Variants in EVI5 observed in about 807,000 individuals in gnomAD.
EVI5 encodes ecotropic viral integration site 5.
A neutral mutation model predicts 112.0 loss-of-function variants in EVI5; 73 were observed. That is an observed-to-expected ratio of 0.65 (90% CI 0.54 to 0.79). EVI5 has a LOEUF of 0.79. EVI5 is among the 30% of genes least tolerant of loss of function. The probability of loss-of-function intolerance (pLI) is 0.00; values close to 1 mark genes in which losing one functional copy is unlikely to be tolerated. For synonymous variants in EVI5, 305 were observed against 319.9 expected (o/e 0.95, Z 0.50); for missense variants, 900 against 968.8 (o/e 0.93, Z 0.94).
intron 18 of EVI5, among the ~76,000 whole-genome samples, chr1:92,570,255 G>C (rs1670132386): frequency 6.6e-6 from 1 of 152,156 alleles, no homozygotes; most frequent in Non-Finnish European, 1.5e-5. Flanking sequence ...AATTTGATAA[G>C]AATCACCCAT....
chr1:92,641,729 T>C (rs1557977073), intron 13 of EVI5, among the ~76,000 whole-genome samples: 4 of 152,184 alleles, frequency 2.6e-5, no homozygotes. Flanking sequence ...CCTCAGCATA[T>C]GACCCCAAAA....
rs1677768417 is a variant in EVI5 at position 92,738,229 on chromosome 1, T to C, written c.-81-1602A>G. Among the ~76,000 whole-genome samples, 2 of 152,320 alleles carry C rather than the reference T, an allele frequency of 1.3e-5. 1 individual carries two copies. The highest frequency in any genetic ancestry group is 4.1e-4 in the South Asian group (2 of 4,824). On this transcript the variant is annotated intron_variant, in intron 1 of 19. Coordinates refer to ENST00000684568, the MANE Select transcript of EVI5 (RefSeq NM_001350197.2). Reference sequence around the variant, plus strand: ...CATAGTAGGCACTAAGATAGCCTACTGTGTGATTTGTTATCCTATCGATCT... The same window carrying C: ...CATAGTAGGCACTAAGATAGCCTACCGTGTGATTTGTTATCCTATCGATCT...
At chr1:92,528,226 G>T (rs1662257047) in intron 19 of EVI5, among the ~76,000 whole-genome samples, 1 of 152,200 alleles carries the variant, frequency 6.6e-6, no homozygotes, top group African/African-American at 2.4e-5. Context: ...AGGAAGTCTT[G>T]CACATTGCTG....
At chr1:92,658,695 T>C (rs190616856) in intron 13 of EVI5, among the ~76,000 whole-genome samples, 1 of 152,108 alleles carries the variant, frequency 6.6e-6, no homozygotes, top group Non-Finnish European at 1.5e-5. Context: ...CCTATAAAAA[T>C]ACCAATGTCT....
At chr1:92,586,282 G>A (rs908715734) in intron 18 of EVI5, among the ~76,000 whole-genome samples, 1 of 152,062 alleles carries the variant, frequency 6.6e-6, no homozygotes, top group Non-Finnish European at 1.5e-5. Flanking sequence ...CCATGCTTAT[G>A]GAGTGGAGAT....
At chr1:92,788,500 A>AC (rs1361479336), upstream of EVI5, among the ~76,000 whole-genome samples, 1 of 135,986 alleles carries the variant, frequency 7.4e-6, no homozygotes, top group Admixed American at 7.4e-5. Flanking sequence ...ACAAAACAAA[A>AC]CAAAAAAAAA....
chr1:92,588,104 T>C (rs1183800514), intron 18 of EVI5, among the ~76,000 whole-genome samples: 1 of 152,198 alleles, frequency 6.6e-6, no homozygotes, highest in Non-Finnish European at 1.5e-5. Context: ...GGTGGAAAAC[T>C]CCAGTAATAA....
At chr1:92,689,180 T>C (rs2102427797) in intron 9 of EVI5, among the ~76,000 whole-genome samples, 4 of 152,344 alleles carry the variant, frequency 2.6e-5, no homozygotes, top group African/African-American at 9.6e-5. Flanking sequence ...CATACACTGC[T>C]GGGTTAGACT....
chr1:92,624,898 T>C (rs1313013915), intron 15 of EVI5, among the ~76,000 whole-genome samples: 1 of 152,126 alleles, frequency 6.6e-6, no homozygotes, highest in African/African-American at 2.4e-5. Flanking sequence ...TGTGGAAACA[T>C]TTTTGGCTTT....
At chr1:92,691,396 C>A (rs766924135) in intron 9 of EVI5, among the ~76,000 whole-genome samples, 15 of 151,448 alleles carry the variant, frequency 9.9e-5, no homozygotes, top group Admixed American at 2.0e-4. Context: ...ATAAATATGA[C>A]AAAATATTAA....
chr1:92,741,324 G>C (rs1378781723), intron 1 of EVI5, among the ~76,000 whole-genome samples: 2 of 152,188 alleles, frequency 1.3e-5, no homozygotes, highest in Non-Finnish European at 2.9e-5. Flanking sequence ...AATGACTTCA[G>C]TGAGTCCATT....
intron 18 of EVI5, among the ~76,000 whole-genome samples, chr1:92,600,805 A>G (rs2101519489): frequency 6.6e-6 from 1 of 152,308 alleles, no homozygotes; most frequent in East Asian, 1.9e-4. Context: ...GGTTCCTAAC[A>G]GGCCATGGAC....
chr1:92,642,561 T>C (rs1660190800), intron 13 of EVI5, among the ~76,000 whole-genome samples: 1 of 152,226 alleles, frequency 6.6e-6, no homozygotes, highest in Non-Finnish European at 1.5e-5. Flanking sequence ...GTGTGAATAA[T>C]TCCTAAATGC....
intron 19 of EVI5, 141 bp downstream of exon 19, chr1:92,563,501 C>T (rs1668945575): frequency 4.4e-6 from 2 of 455,472 alleles, no homozygotes; most frequent in Non-Finnish European, 7.8e-6. Flanking sequence ...AGACAATTTT[C>T]AAAAATGTTA....
chr1:92,635,473 C>T (rs1322387714), intron 14 of EVI5, among the ~76,000 whole-genome samples: 4 of 152,214 alleles, frequency 2.6e-5, no homozygotes, highest in East Asian at 1.9e-4. Context: ...TAGGACCCTC[C>T]GAGCCAGGCA....
In EVI5 at chr1:92,703,633, A is replaced by T. The variant is rs753356933; in HGVS notation, c.340-14T>A. ...ATGAACAAGTTCCTAAAAATAAAAT[A>T]AAATTACAAAAATGAATTATTTAAG... On this transcript the variant is annotated splice_polypyrimidine_tract_variant and intron_variant, in intron 3 of 19. Transcript: ENST00000684568. 1 of 1,459,684 alleles carries T rather than the reference A, an allele frequency of 6.9e-7. No individual in the cohort carries two copies. The highest frequency in any genetic ancestry group is 9.3e-7 in the Non-Finnish European group (1 of 1,069,604). 90.4% of individuals were successfully genotyped at this position (1,459,684 alleles called of 1,614,324 possible).
chr1:92,571,946 G>A (rs1327163204), intron 18 of EVI5, among the ~76,000 whole-genome samples: 2 of 152,086 alleles, frequency 1.3e-5, no homozygotes, highest in Non-Finnish European at 2.9e-5. Context: ...TTGGTATTCC[G>A]TACTTTCACT....
At chr1:92,667,985 C>A (rs1455667566) in intron 10 of EVI5, among the ~76,000 whole-genome samples, 1 of 152,128 alleles carries the variant, frequency 6.6e-6, no homozygotes, top group East Asian at 1.9e-4. Context: ...TCCAGCCCCA[C>A]CTTCCTATAA....
At chr1:92,703,951 G>GAAAAAAAAAAAA (rs1558110377) in intron 3 of EVI5, 1 of 72,812 alleles carries the variant, frequency 1.4e-5, no homozygotes. Context: ...AAAAAAAAAG[G>GAAAAAAAAAAAA]AAAATACTGT....
Sources: allele counts gnomAD v4.1 joint callset (sites outside exome capture counted in the v4.1 genomes callset), GRCh38; gene constraint gnomAD v4.1.1; transcripts MANE v1.5; gene names NCBI Gene and HGNC (gene_info 2026-07-23, HGNC 2026-07-21).